Variants in CNTN4 observed in about 807,000 individuals in gnomAD.
The protein encoded by CNTN4 is contactin 4, also known as contactin-4.
Under a neutral mutation model 122.5 loss-of-function variants are expected in CNTN4, and 77 were observed. The observed-to-expected ratio is 0.63, with a 90% confidence interval of 0.52 to 0.76. The LOEUF is 0.76. Among genes scored for constraint, CNTN4 ranks in the 30% least tolerant of loss-of-function variants. The pLI is 0.00. For missense variants in CNTN4, 1,256 were observed against 1,259.1 expected (o/e 1.00, Z 0.04); for synonymous variants, 512 against 447.0 (o/e 1.15, Z -1.83).
chr3:2,971,425 G>T (rs1451159537), intron 13 of CNTN4, among the ~76,000 whole-genome samples: 1 of 152,014 alleles, frequency 6.6e-6, no homozygotes, highest in African/African-American at 2.4e-5. Context: ...AGTAATGCTA[G>T]TGAATGATCT....
rs978012773 is a variant in CNTN4 at position 2,964,750 on chromosome 3, C to T, written c.1359-23595C>T. On this transcript the variant is annotated intron_variant, in intron 13 of 24. Transcript: ENST00000418658. ...TTTGTAAATTAATTTTTAAAAATCCCTACAAAGACACAATTATTCAGGTAT... is the reference window on the plus strand; with the variant it reads ...TTTGTAAATTAATTTTTAAAAATCCTTACAAAGACACAATTATTCAGGTAT... 4.6e-5 allele frequency among the ~76,000 whole-genome samples: 7 copies of T among 152,102 alleles called. 2 individuals carry two copies. The highest frequency in any genetic ancestry group is 4.6e-4 in the Admixed American group (7 of 15,246).
chr3:2,369,755 G>C (rs2150641796), intron 3 of CNTN4, among the ~76,000 whole-genome samples: 1 of 152,102 alleles, frequency 6.6e-6, no homozygotes, highest in East Asian at 1.9e-4. Flanking sequence ...TCTAATTGTA[G>C]AAATTACAAA....
chr3:2,187,776 A>G lies in CNTN4; in HGVS notation c.-145+87137A>G, dbSNP rs567386049. On this transcript the variant is annotated intron_variant, in intron 2 of 24. Transcript: ENST00000418658. ...CCTTGCTTACTCACAGGAGAGGACT[A>G]GATGCCACATTTTTCTCCCATGATT... Among the ~76,000 whole-genome samples the G allele has an allele frequency of 1.8e-4, 27 of 152,276 alleles. No homozygotes were observed. In the East Asian group the frequency reaches 5.2e-3, roughly 29 times the overall value.
chr3:2,651,998 C>T (rs934571828), intron 4 of CNTN4, among the ~76,000 whole-genome samples: 4 of 150,624 alleles, frequency 2.7e-5, no homozygotes, highest in African/African-American at 9.7e-5. Context: ...TGACCCACCG[C>T]ACCTGGCCAA....
chr3:2,671,857 G>A (rs1245043496), intron 4 of CNTN4, among the ~76,000 whole-genome samples: 1 of 152,204 alleles, frequency 6.6e-6, no homozygotes, highest in Non-Finnish European at 1.5e-5. Flanking sequence ...GTTTGCCGGA[G>A]GTCCACTCCA....
intron 2 of CNTN4, among the ~76,000 whole-genome samples, chr3:2,176,147 T>G (rs1054000428): frequency 2.0e-5 from 3 of 152,142 alleles, no homozygotes; most frequent in Non-Finnish European, 4.4e-5. Flanking sequence ...ACACAGAACA[T>G]GCATTAACTA....
intron 2 of CNTN4, among the ~76,000 whole-genome samples, chr3:2,210,253 A>G (rs1310606017): frequency 2.0e-5 from 3 of 152,230 alleles, no homozygotes; most frequent in African/African-American, 7.2e-5. Flanking sequence ...ACCACAAGCC[A>G]TGATTACATG....
intron 7 of CNTN4, among the ~76,000 whole-genome samples, chr3:2,850,382 T>C (rs1338410104): frequency 6.6e-6 from 1 of 152,242 alleles, no homozygotes; most frequent in East Asian, 1.9e-4. Context: ...TTTCCAAGGA[T>C]AGACTCTTCA....
intron 2 of CNTN4, among the ~76,000 whole-genome samples, chr3:2,139,907 AAATTTAAT>A (rs2034909343): frequency 6.6e-6 from 1 of 152,232 alleles, no homozygotes; most frequent in African/African-American, 2.4e-5. Flanking sequence ...GTACCCACCC[AAATTTAAT>A]CTTGAATTGT....
chr3:2,427,736 C>G (rs1177478415), intron 3 of CNTN4, among the ~76,000 whole-genome samples: 1 of 151,864 alleles, frequency 6.6e-6, no homozygotes, highest in Non-Finnish European at 1.5e-5. Flanking sequence ...TAAGGACTTG[C>G]TTTATGAATC....
intron 2 of CNTN4, among the ~76,000 whole-genome samples, chr3:2,260,273 G>T (rs1169429306): frequency 6.6e-6 from 1 of 152,076 alleles, no homozygotes; most frequent in East Asian, 1.9e-4. Flanking sequence ...AGGAAGTTCA[G>T]CAGCTACCAT....
chr3:2,358,016 A>G (rs1376227380), intron 3 of CNTN4, among the ~76,000 whole-genome samples: 6 of 152,234 alleles, frequency 3.9e-5, no homozygotes, highest in African/African-American at 9.6e-5. Flanking sequence ...AACCGTATGT[A>G]GCAGCATCAG....
chr3:2,729,503 C>T (rs1275941577), intron 4 of CNTN4, among the ~76,000 whole-genome samples: 1 of 132,286 alleles, frequency 7.6e-6, no homozygotes, highest in Non-Finnish European at 1.5e-5. Context: ...GAGATCGTGC[C>T]ACTGCTCTCC....
At chr3:2,804,353 A>G (rs924195248) in intron 6 of CNTN4, among the ~76,000 whole-genome samples, 1 of 152,182 alleles carries the variant, frequency 6.6e-6, no homozygotes, top group African/African-American at 2.4e-5. Context: ...TATCTGGAGC[A>G]AGACAGCCTG....
chr3:2,692,217 T>C (rs2085777915), intron 4 of CNTN4, among the ~76,000 whole-genome samples: 1 of 152,214 alleles, frequency 6.6e-6, no homozygotes. Context: ...TAAGTATTTT[T>C]GCAAATAGCA....
intron 3 of CNTN4, among the ~76,000 whole-genome samples, chr3:2,539,556 TATA>T (rs1447302005): frequency 1.3e-5 from 2 of 152,076 alleles, no homozygotes; most frequent in African/African-American, 4.8e-5. Context: ...AGAGATTGAG[TATA>T]ATAAGCCGTC....
chr3:2,682,365 T>A (rs1245984875), intron 4 of CNTN4, among the ~76,000 whole-genome samples: 1 of 152,172 alleles, frequency 6.6e-6, no homozygotes, highest in African/African-American at 2.4e-5. Context: ...GTTACAATTG[T>A]TCTTAACTTT....
chr3:2,960,968 C>A (rs373346927), intron 13 of CNTN4, among the ~76,000 whole-genome samples: 1 of 152,050 alleles, frequency 6.6e-6, no homozygotes, highest in African/African-American at 2.4e-5. Flanking sequence ...CGGTGACTCA[C>A]GCCTGTAATC....
At chr3:2,531,371 C>T (rs1002834373) in intron 3 of CNTN4, among the ~76,000 whole-genome samples, 1 of 152,116 alleles carries the variant, frequency 6.6e-6, no homozygotes, top group African/African-American at 2.4e-5. Flanking sequence ...AGTCAGGACT[C>T]TATAATTAGC....
Sources: allele counts gnomAD v4.1 joint callset (sites outside exome capture counted in the v4.1 genomes callset), GRCh38; gene constraint gnomAD v4.1.1; transcripts MANE v1.5; gene names NCBI Gene and HGNC (gene_info 2026-07-23, HGNC 2026-07-21).